DAB1: variants seen among roughly 807,000 people sequenced by gnomAD.
The protein encoded by DAB1 is DAB adaptor protein 1.
A neutral mutation model predicts 64.6 loss-of-function variants in DAB1; 15 were observed. That is an observed-to-expected ratio of 0.23 (90% confidence interval 0.16 to 0.36). The LOEUF is 0.36. DAB1 is among the 10% of genes least tolerant of loss of function. DAB1 has a pLI of 1.00. For missense variants in DAB1, 596 were observed against 706.7 expected, an observed-to-expected ratio of 0.84 and a Z score of 1.78; for synonymous variants, 235 against 251.9, an observed-to-expected ratio of 0.93 and a Z score of 0.64.
intron 4 of DAB1, among the ~76,000 whole-genome samples, chr1:58,214,160 G>T (rs2100300646): frequency 6.6e-6 from 1 of 152,160 alleles, no homozygotes; most frequent in Admixed American, 6.5e-5. Context: ...CTGGCTCTGT[G>T]ACCTCAAAAT....
At chr1:57,328,925 C>T (rs975979686) in intron 1 of DAB1, among the ~76,000 whole-genome samples, 5 of 152,120 alleles carry the variant, frequency 3.3e-5, no homozygotes, top group East Asian at 1.9e-4. Flanking sequence ...TAAAATTATT[C>T]GTAGTAGTAT....
At chr1:57,364,113 C>T (rs952111562) in intron 1 of DAB1, among the ~76,000 whole-genome samples, 3 of 152,142 alleles carry the variant, frequency 2.0e-5, no homozygotes, top group African/African-American at 7.2e-5. Flanking sequence ...CTCAGAGGCT[C>T]TCACTGCTGA....
intron 4 of DAB1, among the ~76,000 whole-genome samples, chr1:57,085,054 C>T (rs1396519066): frequency 6.6e-6 from 1 of 152,174 alleles, no homozygotes; most frequent in African/African-American, 2.4e-5. Flanking sequence ...CTTCAACTTA[C>T]CTTAGGGTCT....
intron 2 of DAB1, among the ~76,000 whole-genome samples, chr1:57,207,536 C>G (rs921502812): frequency 7.3e-6 from 1 of 136,490 alleles, no homozygotes; most frequent in African/African-American, 2.7e-5. Context: ...CTCCGCCTCC[C>G]GGGTTCACGC....
chr1:57,459,962 T>C (rs111772225), intron 7 of DAB1, among the ~76,000 whole-genome samples: 13 of 152,328 alleles, frequency 8.5e-5, no homozygotes, highest in African/African-American at 3.1e-4. Flanking sequence ...TTTTCTAATC[T>C]GTAAGACAGG....
intron 2 of DAB1, among the ~76,000 whole-genome samples, chr1:58,507,239 G>A (rs1049086082): frequency 7.9e-5 from 12 of 151,634 alleles, no homozygotes; most frequent in African/African-American, 2.9e-4. Flanking sequence ...AAAACAAGTG[G>A]TTATATTTCC....
intron 1 of DAB1, among the ~76,000 whole-genome samples, chr1:57,354,991 C>T (rs116014372): frequency 0.011 from 1,617 of 152,182 alleles, 34 homozygotes; most frequent in African/African-American, 0.037. Context: ...TTCCTAAGGG[C>T]CACCCAAAAC....
chr1:58,118,462 C>T (rs2806394), intron 5 of DAB1, among the ~76,000 whole-genome samples: 79,260 of 80,154 alleles, frequency 0.99, 39,219 homozygotes, highest in Middle Eastern at 1. Flanking sequence ...CAGGCACTAT[C>T]CTAAGGCATA....
At chr1:58,036,618 A>T (rs1368456345) in intron 5 of DAB1, among the ~76,000 whole-genome samples, 1 of 152,056 alleles carries the variant, frequency 6.6e-6, no homozygotes, top group Non-Finnish European at 1.5e-5. Flanking sequence ...CCTTCTACTA[A>T]TTTTTTTTCG....
chr1:57,272,145 G>C (rs187481954), intron 2 of DAB1, among the ~76,000 whole-genome samples: 6,231 of 149,590 alleles, frequency 0.042, 198 homozygotes, highest in South Asian at 0.079. Flanking sequence ...AGGAGAGCCA[G>C]CTTTCCAGAT....
chr1:58,068,447 C>A (rs1027032561), intron 5 of DAB1, among the ~76,000 whole-genome samples: 3 of 152,204 alleles, frequency 2.0e-5, no homozygotes, highest in Non-Finnish European at 4.4e-5. Context: ...ATTTCAGAAC[C>A]TCAAAAGAAA....
rs67230027 is a variant in DAB1 at position 58,370,374 on chromosome 1, CGTGTGTGTGTGTGTGTGTGTGTGTGT to C, written n.258-26997_258-26972del. Among the ~76,000 whole-genome samples the C allele has an allele frequency of 2.1e-4, 30 of 144,560 alleles. 1 individual carries two copies. The South Asian group carries it at 5.5e-3, about 26-fold the overall frequency. The allele number at this position is 144,560 out of a possible 152,430, so 94.8% of individuals were successfully genotyped here. On this transcript the variant is annotated intron_variant and non_coding_transcript_variant, in intron 3 of 20. Coordinates refer to the DAB1 transcript ENST00000485760. ...ACTGTATGTTACTTATGAGTGTGTGCGTGTGTGTGTGTGTGTGTGTGTGTGTGTGTGTGTGTGTGTGTGTATGCTAA... is the reference window on the plus strand; with the variant it reads ...ACTGTATGTTACTTATGAGTGTGTGCGTGTGTGTGTGTGTGTGTATGCTAA...
intron 4 of DAB1, among the ~76,000 whole-genome samples, chr1:58,167,831 T>C (rs1275370037): frequency 1.3e-5 from 2 of 152,102 alleles, no homozygotes; most frequent in Non-Finnish European, 2.9e-5. Context: ...AACAAGACCA[T>C]GAACCCGCCA....
At chr1:57,594,288 T>G (rs913178604) in intron 7 of DAB1, among the ~76,000 whole-genome samples, 1 of 152,168 alleles carries the variant, frequency 6.6e-6, no homozygotes, top group African/African-American at 2.4e-5. Flanking sequence ...GCACACTCAT[T>G]TTTCAAGGCT....
intron 5 of DAB1, among the ~76,000 whole-genome samples, chr1:58,088,592 T>G (rs531175452): frequency 7.9e-4 from 121 of 152,288 alleles, no homozygotes; most frequent in African/African-American, 2.8e-3. Flanking sequence ...TAAGTATGAT[T>G]CTAGAATTAC....
intron 6 of DAB1, among the ~76,000 whole-genome samples, chr1:57,696,280 G>A (rs1446966157): frequency 6.6e-6 from 1 of 152,100 alleles, no homozygotes; most frequent in Non-Finnish European, 1.5e-5. Context: ...GCCTGAGATG[G>A]AAATCTGCAA....
At chr1:57,088,488 G>A (rs1455294043) in intron 4 of DAB1, among the ~76,000 whole-genome samples, 1 of 152,180 alleles carries the variant, frequency 6.6e-6, no homozygotes, top group African/African-American at 2.4e-5. Context: ...GTTTGTTTCA[G>A]CCAACACCTG....
intron 6 of DAB1, among the ~76,000 whole-genome samples, chr1:57,668,917 A>G (rs189137986): frequency 6.6e-5 from 10 of 152,222 alleles, no homozygotes; most frequent in Admixed American, 6.5e-4. Context: ...TTACATATGC[A>G]TATTCTAAGT....
intron 6 of DAB1, among the ~76,000 whole-genome samples, chr1:57,674,224 CTCTT>C (rs1475650653): frequency 2.0e-5 from 3 of 152,116 alleles, no homozygotes; most frequent in Non-Finnish European, 2.9e-5. Context: ...ATTTGAAAAA[CTCTT>C]TCTCATTACA....
Sources: gnomAD v4.1 joint callset for allele counts (sites outside exome capture counted in the v4.1 genomes callset) on GRCh38, gnomAD v4.1.1 for gene constraint, MANE v1.5 for transcripts, NCBI Gene and HGNC (gene_info 2026-07-23, HGNC 2026-07-21) for gene names.